The following GNG7 variants were observed in gnomAD, a reference collection of about 807,000 sequenced individuals.
The protein encoded by GNG7 is guanine nucleotide-binding protein G(I)/G(S)/G(O) subunit gamma-7.
Under a neutral mutation model 4.0 loss-of-function variants are expected in GNG7, and 1 was observed. The observed-to-expected ratio is 0.25, with a 90% CI of 0.09 to 1.18. The LOEUF is 1.18. GNG7 is among the 50% of genes most tolerant of loss of function. GNG7 has a pLI of 0.50. For missense variants in GNG7, 86 were observed against 91.9 expected (o/e 0.94, Z 0.26); for synonymous variants, 34 against 36.9 (o/e 0.92, Z 0.29).
chr19:2,550,532 C>G (rs76712774), intron 3 of GNG7, among the ~76,000 whole-genome samples: 1 of 152,172 alleles, frequency 6.6e-6, no homozygotes, highest in Non-Finnish European at 1.5e-5. Context: ...CCGGCCACCT[C>G]TGCTCACCTC....
intron 3 of GNG7, among the ~76,000 whole-genome samples, chr19:2,522,425 G>A (rs1052932116): frequency 1.3e-5 from 2 of 152,152 alleles, no homozygotes; most frequent in African/African-American, 2.4e-5. Context: ...CCAGGCAGCC[G>A]CAGAGAAGTC....
At chr19:2,598,384 G>A (rs1380597501) in intron 2 of GNG7, among the ~76,000 whole-genome samples, 1 of 152,044 alleles carries the variant, frequency 6.6e-6, no homozygotes, top group African/African-American at 2.4e-5. Flanking sequence ...TTGGCCGGGC[G>A]TGGTGGCTCA....
intron 2 of GNG7, among the ~76,000 whole-genome samples, chr19:2,568,453 TAC>T (rs754422677): frequency 4.0e-5 from 3 of 75,560 alleles, no homozygotes; most frequent in East Asian, 3.0e-4. Flanking sequence ...CACATACATA[TAC>T]ATACACACAC....
intron 2 of GNG7, among the ~76,000 whole-genome samples, chr19:2,644,382 A>AT (rs1568272569): frequency 9.2e-6 from 1 of 109,160 alleles, no homozygotes; most frequent in Non-Finnish European, 1.8e-5. Flanking sequence ...TATATATATA[A>AT]TGCTCTATCT....
chr19:2,578,236 G>A (rs1980400741), intron 2 of GNG7, among the ~76,000 whole-genome samples: 1 of 152,108 alleles, frequency 6.6e-6, no homozygotes, highest in South Asian at 2.1e-4. Flanking sequence ...GATCTGCTGA[G>A]ACACAGGTAG....
chr19:2,526,339 AG>A (rs1978395778), intron 3 of GNG7, among the ~76,000 whole-genome samples: 1 of 149,058 alleles, frequency 6.7e-6, no homozygotes, highest in Admixed American at 6.7e-5. Flanking sequence ...GCCTGACCTC[AG>A]GTGATCCACC....
At chr19:2,673,298 C>T (rs115366550) in intron 1 of GNG7, among the ~76,000 whole-genome samples, 1 of 145,478 alleles carries the variant, frequency 6.9e-6, no homozygotes, top group South Asian at 2.2e-4. Flanking sequence ...CAAAAAAAAA[C>T]CCAGCAGGTC....
At chr19:2,604,575 A>AGGGAGGGAGCGAG (rs1390890593) in intron 2 of GNG7, among the ~76,000 whole-genome samples, 1 of 133,998 alleles carries the variant, frequency 7.5e-6, no homozygotes, top group African/African-American at 2.9e-5. Context: ...GGACAGAGGG[A>AGGGAGGGAGCGAG]GGAAAAAGAG....
chr19:2,587,629 C>CG (rs996645283), intron 2 of GNG7, among the ~76,000 whole-genome samples: 4 of 151,874 alleles, frequency 2.6e-5, no homozygotes, highest in African/African-American at 9.7e-5. Flanking sequence ...CTGAGTCACC[C>CG]GGGCCTCATG....
intron 2 of GNG7, chr19:2,632,107 A>T (rs1489119132): frequency 2.0e-5 from 3 of 152,248 alleles, no homozygotes. Context: ...GCCCCAAAAG[A>T]ACAGATAAAC....
chr19:2,554,022 A>G (rs1979469028), intron 3 of GNG7, among the ~76,000 whole-genome samples: 1 of 135,732 alleles, frequency 7.4e-6, no homozygotes, highest in Admixed American at 7.6e-5. Context: ...ATATGTATAT[A>G]TGTATACACA....
intron 2 of GNG7, among the ~76,000 whole-genome samples, chr19:2,581,201 G>A (rs768915817): frequency 1.6e-4 from 25 of 151,888 alleles, no homozygotes; most frequent in Non-Finnish European, 3.5e-4. Context: ...TTCGCCGCAG[G>A]CCCAGCCTGA....
intron 1 of GNG7, among the ~76,000 whole-genome samples, chr19:2,659,959 T>C (rs1983104969): frequency 6.6e-6 from 1 of 151,910 alleles, no homozygotes; most frequent in Non-Finnish European, 1.5e-5. Flanking sequence ...GTGAGTATCA[T>C]CACAATGTAA....
intron 2 of GNG7, among the ~76,000 whole-genome samples, chr19:2,571,362 T>G (rs1413833311): frequency 2.0e-5 from 3 of 152,126 alleles, no homozygotes; most frequent in African/African-American, 7.2e-5. Context: ...AAGACCTTGT[T>G]GGACACGTGG....
chr19:2,670,726 C>T (rs1395619601), intron 1 of GNG7, among the ~76,000 whole-genome samples: 1 of 152,120 alleles, frequency 6.6e-6, no homozygotes, highest in Non-Finnish European at 1.5e-5. Flanking sequence ...CCCTGGCCTG[C>T]ACCCACTCCA....
At chr19:2,576,827 G>C (rs1157219793) in intron 2 of GNG7, among the ~76,000 whole-genome samples, 1 of 152,104 alleles carries the variant, frequency 6.6e-6, no homozygotes, top group Non-Finnish European at 1.5e-5. Flanking sequence ...AAGATTACAG[G>C]AGTGCAGCAT....
chr19:2,534,283 C>T (rs1275404445), intron 3 of GNG7, among the ~76,000 whole-genome samples: 1 of 152,138 alleles, frequency 6.6e-6, no homozygotes, highest in Non-Finnish European at 1.5e-5. Context: ...GGCAGATCCC[C>T]GTGTACTCCA....
chr19:2,520,757 G>T, intron 3 of GNG7, 32 bp from the exon 4 acceptor site: 1 of 969,608 alleles, frequency 1.0e-6, no homozygotes, highest in Non-Finnish European at 1.6e-6. Context: ...GTGGGTCAAA[G>T]TTCAGGTCAG....
intron 2 of GNG7, among the ~76,000 whole-genome samples, chr19:2,635,839 T>C (rs1252463362): frequency 6.6e-6 from 1 of 152,030 alleles, no homozygotes. Flanking sequence ...CACCTCAGCC[T>C]CCCAAAGTGC....
Sources: allele counts gnomAD v4.1 joint callset (sites outside exome capture counted in the v4.1 genomes callset), GRCh38; gene constraint gnomAD v4.1.1; transcripts MANE v1.5; gene names NCBI Gene and HGNC (gene_info 2026-07-23, HGNC 2026-07-21).